Variants in PARD3B observed in about 807,000 individuals in gnomAD.
The protein encoded by PARD3B is partitioning defective 3 homolog B.
A neutral mutation model predicts 130.2 loss-of-function variants in PARD3B; 103 were observed. That is an observed-to-expected ratio of 0.79 (90% confidence interval 0.67 to 0.93). The LOEUF is 0.93. Ranked by LOEUF, PARD3B falls within the 40% of genes least tolerant of loss-of-function variation. The pLI, the probability that PARD3B is intolerant of heterozygous loss-of-function variation, is 0.00. For synonymous variants in PARD3B, 583 were observed against 553.2 expected (o/e 1.05, Z -0.76); for missense variants, 1,609 against 1,499.2 (o/e 1.07, Z -1.21).
chr2:205,157,571 C>T (rs998806180), intron 10 of PARD3B, among the ~76,000 whole-genome samples: 1 of 152,072 alleles, frequency 6.6e-6, no homozygotes, highest in African/African-American at 2.4e-5. Flanking sequence ...ATTATGGGTT[C>T]TTTGCTACTT....
At chr2:205,510,104 G>A (rs1040838500) in intron 21 of PARD3B, among the ~76,000 whole-genome samples, 3 of 152,288 alleles carry the variant, frequency 2.0e-5, no homozygotes, top group Non-Finnish European at 4.4e-5. Context: ...TTCACATCCA[G>A]GCTGTACCCA....
In PARD3B at chr2:204,574,972, C is replaced by A. The variant is rs114748930; in HGVS notation, c.120+28853C>A. 5.9e-3 allele frequency among the ~76,000 whole-genome samples: 902 copies of A among 152,266 alleles called. 9 individuals are homozygous for A. Among genetic ancestry groups the A allele is most frequent in the African/African-American group, 0.02 (824 of 41,568 alleles). ...TTCTTCCAAGTTCCAGTTCTCTACT[C>A]TTCAGATGACTCTGCTTTAGTTATG... On this transcript the variant is annotated intron_variant, in intron 1 of 22. Coordinates refer to ENST00000406610, the MANE Select transcript of PARD3B (RefSeq NM_001302769.2).
rs138676381 is a variant in PARD3B at position 205,566,799 on chromosome 2, G to T, written c.3260+13396G>T. Among the ~76,000 whole-genome samples, 309 of 152,316 alleles carry T rather than the reference G, an allele frequency of 2.0e-3. 1 individual carries two copies. Among genetic ancestry groups the T allele is most frequent in the African/African-American group, 7.3e-3 (302 of 41,568 alleles). ...GCATACTCAGAAAGTACAAATAAAG[G>T]CAGGTCGACAGTGCAGACTGCAAAA... On this transcript the variant is annotated intron_variant, in intron 22 of 22. Transcript: ENST00000406610.
intron 2 of PARD3B, among the ~76,000 whole-genome samples, chr2:204,918,124 A>C (rs2047516662): frequency 6.6e-6 from 1 of 152,258 alleles, no homozygotes; most frequent in Admixed American, 6.5e-5. Flanking sequence ...TAAACCAAGA[A>C]GAGATAAATG....
rs2031254771 is a variant in PARD3B, at chr2:205,125,363, C to T, written c.1306-246C>T. Among the ~76,000 whole-genome samples, 1 of 152,118 alleles carries T rather than the reference C, an allele frequency of 6.6e-6. No homozygotes were observed. The highest frequency in any genetic ancestry group is 2.4e-5 in the African/African-American group (1 of 41,414). ...TCTGGTATCTGTCAGTCCAGTTTCC[C>T]CCACATAAGAATGTGATGTCTTAGG... On this transcript the variant is annotated intron_variant, in intron 9 of 22. Transcript: ENST00000406610. The surrounding 1 kb of genome is among the most constrained non-coding windows in gnomAD (Gnocchi z 4.0).
chr2:205,009,059 T>C (rs1695500329), intron 3 of PARD3B, among the ~76,000 whole-genome samples: 1 of 152,224 alleles, frequency 6.6e-6, no homozygotes, highest in Non-Finnish European at 1.5e-5. Flanking sequence ...TACAAATATT[T>C]GCTAAATGTA....
At chr2:205,299,794 C>T (rs552053440) in intron 16 of PARD3B, among the ~76,000 whole-genome samples, 1 of 152,140 alleles carries the variant, frequency 6.6e-6, no homozygotes, top group African/African-American at 2.4e-5. Flanking sequence ...TTTTATATTG[C>T]ATTAAAAGGT....
intron 16 of PARD3B, among the ~76,000 whole-genome samples, chr2:205,270,056 C>T (rs2040659885): frequency 1.3e-5 from 2 of 152,114 alleles, no homozygotes; most frequent in South Asian, 4.1e-4. Context: ...CCCCATTCGC[C>T]ATCATGTGAT....
intron 2 of PARD3B, among the ~76,000 whole-genome samples, chr2:204,916,772 C>A (rs1370723769): frequency 6.6e-6 from 1 of 152,000 alleles, no homozygotes; most frequent in Non-Finnish European, 1.5e-5. Context: ...AAATTTTGAC[C>A]ATTTACATAA....
intron 1 of PARD3B, among the ~76,000 whole-genome samples, chr2:204,616,013 C>A (rs1254581111): frequency 6.6e-6 from 1 of 152,142 alleles, no homozygotes; most frequent in Non-Finnish European, 1.5e-5. Flanking sequence ...CCATGCACAA[C>A]TGTAAAACTC....
intron 2 of PARD3B, among the ~76,000 whole-genome samples, chr2:204,791,777 T>G (rs2042214492): frequency 6.6e-6 from 1 of 152,216 alleles, no homozygotes; most frequent in East Asian, 1.9e-4. Context: ...TAACCTTGTC[T>G]ACATACCTAT....
intron 7 of PARD3B, among the ~76,000 whole-genome samples, chr2:205,119,432 T>C (rs542920233): frequency 6.6e-6 from 1 of 152,188 alleles, no homozygotes; most frequent in Admixed American, 6.5e-5. Context: ...AACTAAAAAA[T>C]CTGTGAGAGA....
intron 21 of PARD3B, among the ~76,000 whole-genome samples, chr2:205,520,988 AATCAATATAAGATACTAAT>A (rs1310773078): frequency 6.6e-6 from 1 of 151,338 alleles, no homozygotes; most frequent in Admixed American, 6.6e-5. Context: ...CTTTATCATA[AATCAATATAAGATACTAAT>A]TATCTAGTAT....
At chr2:205,451,511 A>G (rs2048103010) in intron 20 of PARD3B, among the ~76,000 whole-genome samples, 1 of 152,082 alleles carries the variant, frequency 6.6e-6, no homozygotes, top group Non-Finnish European at 1.5e-5. Flanking sequence ...TCCCTTTAAT[A>G]ATGCAAAAGT....
intron 21 of PARD3B, among the ~76,000 whole-genome samples, chr2:205,515,028 T>C (rs1212402574): frequency 6.6e-6 from 1 of 152,050 alleles, no homozygotes; most frequent in African/African-American, 2.4e-5. Flanking sequence ...GTCTGTTGTT[T>C]CTTTCTTTGT....
intron 19 of PARD3B, among the ~76,000 whole-genome samples, chr2:205,439,794 T>G (rs1404433171): frequency 2.6e-5 from 4 of 152,188 alleles, no homozygotes; most frequent in Non-Finnish European, 5.9e-5. Context: ...AATCCCCATT[T>G]GTATAACCAA....
intron 1 of PARD3B, among the ~76,000 whole-genome samples, chr2:204,614,011 T>C (rs942287533): frequency 2.0e-5 from 3 of 152,060 alleles, no homozygotes; most frequent in African/African-American, 4.8e-5. Context: ...TTCTGTGTCT[T>C]GTTGGGCCCC....
intron 2 of PARD3B, among the ~76,000 whole-genome samples, chr2:204,781,489 C>T (rs994373553): frequency 1.3e-5 from 2 of 152,188 alleles, no homozygotes; most frequent in African/African-American, 2.4e-5. Context: ...GACTGTATCA[C>T]AGAATAAAAC....
intron 1 of PARD3B, among the ~76,000 whole-genome samples, chr2:204,653,112 C>A (rs920914708): frequency 6.6e-6 from 1 of 150,842 alleles, no homozygotes. Flanking sequence ...ACACTGGGAT[C>A]TTCTTGAAGG....
Sources: gnomAD v4.1 joint callset for allele counts (sites outside exome capture counted in the v4.1 genomes callset) on GRCh38, gnomAD v4.1.1 for gene constraint, Gnocchi (gnomAD v3.1) non-coding constraint, MANE v1.5 for transcripts, NCBI Gene and HGNC (gene_info 2026-07-23, HGNC 2026-07-21) for gene names.